The following PTK2B variants were observed in gnomAD, a reference collection of about 807,000 sequenced individuals.
The protein encoded by PTK2B is protein tyrosine kinase 2 beta, also known as protein-tyrosine kinase 2-beta.
In PTK2B, 71 loss-of-function variants were observed where a neutral mutation model predicts 142.9. The ratio of observed to expected loss-of-function variants is 0.50; its 90% CI spans 0.41 to 0.61. The LOEUF (loss-of-function observed/expected upper bound fraction) is 0.61. Among genes scored for constraint, PTK2B ranks in the 20% least tolerant of loss-of-function variants. The pLI is 0.00. For missense variants in PTK2B, 1,105 were observed against 1,320.4 expected, an observed-to-expected ratio of 0.84 and a Z score of 2.53; for synonymous variants, 519 against 503.4, an observed-to-expected ratio of 1.03 and a Z score of -0.42.
At chr8:27,416,640 G>A (rs1037458208) in intron 2 of PTK2B, among the ~76,000 whole-genome samples, 2 of 152,216 alleles carry the variant, frequency 1.3e-5, no homozygotes, top group African/African-American at 4.8e-5. Context: ...GTTAGACTCT[G>A]TCAGAAGACA....
intron 5 of PTK2B, among the ~76,000 whole-genome samples, chr8:27,425,181 ATATATGCTAG>A (rs1486427235): frequency 6.6e-6 from 1 of 151,396 alleles, no homozygotes; most frequent in Non-Finnish European, 1.5e-5. Context: ...TATATAACAT[ATATATGCTAG>A]TATATAATAT....
chr8:27,385,522 C>T (rs1807293147), intron 1 of PTK2B, among the ~76,000 whole-genome samples: 1 of 152,178 alleles, frequency 6.6e-6, no homozygotes, highest in African/African-American at 2.4e-5. Flanking sequence ...TTTCAGGGGC[C>T]TGGTTGCTTC....
At chr8:27,384,507 T>G (rs1237169965) in intron 1 of PTK2B, among the ~76,000 whole-genome samples, 1 of 152,202 alleles carries the variant, frequency 6.6e-6, no homozygotes. Context: ...TGAATGCCTT[T>G]CATTTCTTTC....
At chr8:27,399,206 T>C (rs998262883) in intron 2 of PTK2B, among the ~76,000 whole-genome samples, 2 of 152,230 alleles carry the variant, frequency 1.3e-5, no homozygotes, top group African/African-American at 4.8e-5. Context: ...CATTGTTCTT[T>C]TGTGCTGAAA....
chr8:27,363,803 T>G lies in PTK2B; in HGVS notation c.-37-33745T>G, dbSNP rs1378218681. 6.6e-6 allele frequency among the ~76,000 whole-genome samples: 1 copy of G among 152,196 alleles called. No individual in the cohort carries two copies. Among genetic ancestry groups the G allele is most frequent in the Non-Finnish European group, 1.5e-5 (1 of 68,026 alleles). ...ACAGTCACTTGGCGTTCCTGGGACA[T>G]GTTCATGTGAATTCTCACCGGTGGC... On this transcript the variant is annotated intron_variant, in intron 1 of 30. Transcript: ENST00000346049. The surrounding 1 kb of genome is among the most constrained non-coding windows in gnomAD (Gnocchi z 4.3).
intron 1 of PTK2B, among the ~76,000 whole-genome samples, chr8:27,359,396 G>C (rs186266628): frequency 6.6e-6 from 1 of 152,176 alleles, no homozygotes; most frequent in Non-Finnish European, 1.5e-5. Context: ...GATTACAGGC[G>C]TGAGCCACTG....
intron 1 of PTK2B, among the ~76,000 whole-genome samples, chr8:27,385,465 A>G (rs1344262809): frequency 1.4e-4 from 22 of 152,190 alleles, no homozygotes; most frequent in Admixed American, 1.4e-3. Flanking sequence ...TGTCTATCCT[A>G]TTTAACCCAA....
In PTK2B at chr8:27,458,821, G is replaced by T; in HGVS notation, c.*312G>T. On this transcript the variant is annotated 3_prime_UTR_variant, in exon 31 of 31. Coordinates refer to ENST00000346049, the MANE Select transcript of PTK2B (RefSeq NM_173176.3). ...GCAGGGGGCTCCTGGGGGTGGGGAG[G>T]TGTCACATGGTGCCCCTAGCTTTAT... 2.2e-6 allele frequency: 1 copy of T among 465,038 alleles called. No individual in the cohort carries two copies. Among genetic ancestry groups the T allele is most frequent in the Non-Finnish European group, 3.9e-6 (1 of 254,658 alleles). The allele number at this position is 465,038 out of a possible 1,614,324, so 28.8% of individuals were successfully genotyped here. A position where few individuals can be genotyped will look rare whatever the true frequency, so the allele number is the denominator to read the frequency against.
chr8:27,406,405 C>A (rs2131578559), intron 2 of PTK2B, among the ~76,000 whole-genome samples: 1 of 152,298 alleles, frequency 6.6e-6, no homozygotes, highest in South Asian at 2.1e-4. Flanking sequence ...ATCATAGTAT[C>A]TGTCACTGGT....
intron 24 of PTK2B, among the ~76,000 whole-genome samples, chr8:27,449,756 G>A (rs772383516): frequency 3.3e-5 from 5 of 152,174 alleles, no homozygotes; most frequent in South Asian, 2.1e-4. Flanking sequence ...CAAATGAACC[G>A]TGGGGGAAGA....
At chr8:27,349,257 G>A (rs992522868) in intron 1 of PTK2B, among the ~76,000 whole-genome samples, 1 of 152,036 alleles carries the variant, frequency 6.6e-6, no homozygotes, top group Admixed American at 6.5e-5. Flanking sequence ...TTTGTTTTTT[G>A]GTCTTAACTG....
At chr8:27,444,726 C>T (rs1811356863) in intron 23 of PTK2B, among the ~76,000 whole-genome samples, 1 of 152,056 alleles carries the variant, frequency 6.6e-6, no homozygotes, top group African/African-American at 2.4e-5. Flanking sequence ...AACCATGACT[C>T]TTTCCCAGGC....
chr8:27,445,942 T>G (rs770255314), intron 24 of PTK2B, 23 bp downstream of exon 24: 4 of 1,612,006 alleles, frequency 2.5e-6, no homozygotes, highest in Non-Finnish European at 3.4e-6. Context: ...TGCATGCTGG[T>G]CCCTGCCCGG....
At chr8:27,444,358 A>G in intron 23 of PTK2B, 87 bp downstream of exon 23, 1 of 1,465,178 alleles carries the variant, frequency 6.8e-7, no homozygotes, top group Non-Finnish European at 9.5e-7. Flanking sequence ...GAGGAGCAGC[A>G]GTCACCCACT....
At chr8:27,370,691 C>T (rs747704325) in intron 1 of PTK2B, among the ~76,000 whole-genome samples, 13 of 152,322 alleles carry the variant, frequency 8.5e-5, no homozygotes, top group Non-Finnish European at 1.9e-4. Flanking sequence ...TATGTTGCCT[C>T]ACGACCTTCT....
At chr8:27,457,095 C>A (rs780497908) in intron 30 of PTK2B, among the ~76,000 whole-genome samples, 23 of 152,214 alleles carry the variant, frequency 1.5e-4, no homozygotes, top group Non-Finnish European at 3.1e-4. Context: ...CTCCACTAAA[C>A]CACAGATTTT....
intron 28 of PTK2B, 134 bp from the exon 29 acceptor site, chr8:27,454,020 A>G (rs1811985358): frequency 7.1e-6 from 9 of 1,274,028 alleles, no homozygotes; most frequent in Admixed American, 2.1e-5. Context: ...GGGACAGGGC[A>G]CAATTATTCT....
intron 2 of PTK2B, among the ~76,000 whole-genome samples, chr8:27,410,349 G>C (rs1468314853): frequency 2.1e-5 from 1 of 48,110 alleles, no homozygotes; most frequent in Admixed American, 1.4e-4. Context: ...CATTCCACTG[G>C]AGCCTTAGAG....
intron 8 of PTK2B, 41 bp from the exon 9 acceptor site, chr8:27,431,357 G>A: frequency 2.5e-6 from 4 of 1,613,924 alleles, no homozygotes; most frequent in Non-Finnish European, 3.4e-6. Flanking sequence ...AGAATGGGGA[G>A]GACAGCTCTG....
Sources: allele counts gnomAD v4.1 joint callset (sites outside exome capture counted in the v4.1 genomes callset), GRCh38; gene constraint gnomAD v4.1.1; non-coding constraint Gnocchi (gnomAD v3.1); transcripts MANE v1.5; gene names NCBI Gene and HGNC (gene_info 2026-07-23, HGNC 2026-07-21).